The following NSRP1 variants were observed in gnomAD, a reference collection of about 807,000 sequenced individuals.
NSRP1 encodes the protein nuclear speckle splicing regulatory protein 1.
A neutral mutation model predicts 54.7 loss-of-function variants in NSRP1; 24 were observed. That is an observed-to-expected ratio of 0.44 (90% confidence interval 0.32 to 0.62). The LOEUF (loss-of-function observed/expected upper bound fraction) is 0.62. Among genes scored for constraint, NSRP1 ranks in the 20% least tolerant of loss-of-function variants. NSRP1 has a pLI of 0.06. For missense variants in NSRP1, 596 were observed against 651.2 expected, an observed-to-expected ratio of 0.92 and a Z score of 0.92; for synonymous variants, 210 against 213.8, an observed-to-expected ratio of 0.98 and a Z score of 0.15.
intron 2 of NSRP1, among the ~76,000 whole-genome samples, chr17:30,170,121 T>A (rs1218728502): frequency 1.3e-5 from 2 of 152,138 alleles, no homozygotes; most frequent in African/African-American, 2.4e-5. Context: ...TTGGCTTTTT[T>A]AAAAAGATGT....
At position 30,179,290 on chromosome 17, in the gene NSRP1, A is replaced by G. The variant is rs761605419; in HGVS notation, c.501A>G (p.Ala167=). The change falls in exon 5 of 7, where the codon GCA becomes GCG. Residue 167 remains alanine, a synonymous_variant. Coordinates refer to ENST00000247026, the MANE Select transcript of NSRP1 (RefSeq NM_032141.4). ...EEEEREKRAA[A]LEACLDVTKQ... ...AAGAAAGAGAAAAGAGGGCTGCTGC[A>G]CTGGAAGGTAAAATGAAAGAGTGGG... 1.9e-6 allele frequency: 3 copies of G among 1,563,562 alleles called. No homozygotes were observed. Among genetic ancestry groups the G allele is most frequent in the Non-Finnish European group, 2.6e-6 (3 of 1,156,434 alleles).
chr17:30,151,774 CT>C (rs780507533), intron 2 of NSRP1, among the ~76,000 whole-genome samples: 2,374 of 49,070 alleles, frequency 0.048, 57 homozygotes, highest in African/African-American at 0.14. Context: ...TTGTCACTTT[CT>C]TTTTTTTTTT....
At chr17:30,120,879 G>A (rs1443241515) in intron 2 of NSRP1, among the ~76,000 whole-genome samples, 1 of 152,222 alleles carries the variant, frequency 6.6e-6, no homozygotes, top group Non-Finnish European at 1.5e-5. Context: ...TAGCGTTACA[G>A]AATGTGAATG....
At chr17:30,138,811 C>T (rs2071772692) in intron 2 of NSRP1, among the ~76,000 whole-genome samples, 1 of 150,040 alleles carries the variant, frequency 6.7e-6, no homozygotes, top group Non-Finnish European at 1.5e-5. Context: ...ACAAAAGTTC[C>T]AATTTCTCTA....
In NSRP1 at chr17:30,164,574, A is replaced by G. The variant is rs957060168; in HGVS notation, c.115-7968A>G. Among the ~76,000 whole-genome samples the G allele has an allele frequency of 1.1e-4, 17 of 152,244 alleles. No individual in the cohort carries two copies. The East Asian group carries it at 3.3e-3, about 29-fold the overall frequency. On this transcript the variant is annotated intron_variant, in intron 2 of 6. Transcript: ENST00000247026. Reference sequence around the variant, plus strand: ...CACTTTAGGAGGCAAAGGCGGGAGGATTGCTTGAGCCCAGGGGTTTGAGAC... The same window carrying G: ...CACTTTAGGAGGCAAAGGCGGGAGGGTTGCTTGAGCCCAGGGGTTTGAGAC...
At chr17:30,118,041 A>T (rs764264797) in intron 1 of NSRP1, 39 bp from the exon 2 acceptor site, 5 of 1,482,800 alleles carry the variant, frequency 3.4e-6, no homozygotes, top group Non-Finnish European at 4.7e-6. Context: ...ACATTTAAAC[A>T]TAAAGGTTTA....
At chr17:30,124,343 A>G (rs2071632081) in intron 2 of NSRP1, among the ~76,000 whole-genome samples, 1 of 152,220 alleles carries the variant, frequency 6.6e-6, no homozygotes, top group Non-Finnish European at 1.5e-5. Flanking sequence ...AGTAATCTAG[A>G]GAGTTTTTTG....
chr17:30,157,032 G>A (rs946948958), intron 2 of NSRP1, among the ~76,000 whole-genome samples: 6 of 152,112 alleles, frequency 3.9e-5, no homozygotes, highest in Admixed American at 1.3e-4. Flanking sequence ...TGGATCTTAC[G>A]GTAGTTCTGT....
chr17:30,162,221 G>T (rs1346166749), intron 2 of NSRP1, among the ~76,000 whole-genome samples: 2 of 152,120 alleles, frequency 1.3e-5, no homozygotes, highest in South Asian at 4.1e-4. Flanking sequence ...TAGTAGAGAT[G>T]GGGTTTCGCT....
intron 2 of NSRP1, among the ~76,000 whole-genome samples, chr17:30,133,299 T>G (rs1597597963): frequency 6.6e-6 from 1 of 152,094 alleles, no homozygotes; most frequent in African/African-American, 2.4e-5. Flanking sequence ...AATTACTCCT[T>G]GAACCATTTG....
At chr17:30,146,521 A>G (rs921841989) in intron 2 of NSRP1, among the ~76,000 whole-genome samples, 3 of 151,772 alleles carry the variant, frequency 2.0e-5, no homozygotes, top group Non-Finnish European at 4.4e-5. Context: ...GAGCCACCAC[A>G]CCCCTCCTAG....
chr17:30,138,927 T>G (rs997096109), intron 2 of NSRP1, among the ~76,000 whole-genome samples: 1 of 139,910 alleles, frequency 7.1e-6, no homozygotes, highest in Non-Finnish European at 1.6e-5. Context: ...TTTTTTTTTT[T>G]TTTTTTTTGA....
At chr17:30,117,864 G>T (rs1190186630) in intron 1 of NSRP1, 4 of 401,992 alleles carry the variant, frequency 1.0e-5, no homozygotes, top group East Asian at 3.6e-5. Context: ...TTCGAGTTTG[G>T]CCCGTGTCCA....
intron 2 of NSRP1, among the ~76,000 whole-genome samples, chr17:30,149,074 A>G (rs1222870613): frequency 2.0e-5 from 3 of 152,110 alleles, no homozygotes; most frequent in African/African-American, 7.2e-5. Context: ...TAGTGTTTTC[A>G]GTGTTATACA....
At chr17:30,135,291 G>A (rs559307713) in intron 2 of NSRP1, among the ~76,000 whole-genome samples, 2 of 147,852 alleles carry the variant, frequency 1.4e-5, no homozygotes, top group Admixed American at 6.7e-5. Flanking sequence ...GCTAATTTTT[G>A]TATTTTTTTT....
At chr17:30,161,747 A>G (rs1017192704) in intron 2 of NSRP1, among the ~76,000 whole-genome samples, 1 of 152,124 alleles carries the variant, frequency 6.6e-6, no homozygotes, top group African/African-American at 2.4e-5. Flanking sequence ...TTTTGTTCAT[A>G]TTTAGAACCA....
intron 2 of NSRP1, among the ~76,000 whole-genome samples, chr17:30,128,657 GATATA>G (rs10580653): frequency 0.41 from 62,066 of 151,476 alleles, 14,120 homozygotes; most frequent in East Asian, 0.81. Context: ...GTCAGAAATT[GATATA>G]ATATATTTTT....
chr17:30,148,736 T>G (rs2071879355), intron 2 of NSRP1, among the ~76,000 whole-genome samples: 1 of 152,224 alleles, frequency 6.6e-6, no homozygotes, highest in Non-Finnish European at 1.5e-5. Context: ...GTTCTAAGTT[T>G]GGGCTGTGGA....
At chr17:30,129,369 ATAT>A (rs1431930806) in intron 2 of NSRP1, among the ~76,000 whole-genome samples, 7 of 151,752 alleles carry the variant, frequency 4.6e-5, no homozygotes, top group Admixed American at 1.3e-4. Flanking sequence ...TTTCAAAATC[ATAT>A]TATTATTTTG....
Sources: gnomAD v4.1 joint callset for allele counts (sites outside exome capture counted in the v4.1 genomes callset) on GRCh38, gnomAD v4.1.1 for gene constraint, MANE v1.5 for transcripts, NCBI Gene and HGNC (gene_info 2026-07-23, HGNC 2026-07-21) for gene names.